ADGRB3: variants seen among roughly 807,000 people sequenced by gnomAD.
ADGRB3 encodes adhesion G protein-coupled receptor B3.
A neutral mutation model predicts 193.4 loss-of-function variants in ADGRB3; 37 were observed. That is an observed-to-expected ratio of 0.19 (90% CI 0.15 to 0.25). ADGRB3 has a LOEUF of 0.25. Among genes scored for constraint, ADGRB3 ranks in the 10% least tolerant of loss-of-function variants. ADGRB3 has a pLI of 1.00. For synonymous variants in ADGRB3, 690 were observed against 644.2 expected, an observed-to-expected ratio of 1.07 and a Z score of -1.08; for missense variants, 1,637 against 1,852.9, an observed-to-expected ratio of 0.88 and a Z score of 2.14.
intron 3 of ADGRB3, among the ~76,000 whole-genome samples, chr6:68,898,543 A>T (rs1180109480): frequency 6.6e-6 from 1 of 152,116 alleles, no homozygotes; most frequent in East Asian, 1.9e-4. Flanking sequence ...TTGCTTTGAG[A>T]GAAAAGGTAT....
intron 17 of ADGRB3, among the ~76,000 whole-genome samples, chr6:69,087,845 A>G (rs552104673): frequency 2.8e-4 from 43 of 152,340 alleles, no homozygotes; most frequent in Admixed American, 2.0e-3. Context: ...GTGAGCAACC[A>G]TCCTTTTAGT....
chr6:68,698,769 G>A (rs577756906), intron 3 of ADGRB3, among the ~76,000 whole-genome samples: 1 of 152,098 alleles, frequency 6.6e-6, no homozygotes, highest in South Asian at 2.1e-4. Flanking sequence ...TGGATTTGAG[G>A]AAGATCTGCT....
intron 11 of ADGRB3, among the ~76,000 whole-genome samples, chr6:69,001,184 G>A (rs183711280): frequency 6.6e-6 from 1 of 152,320 alleles, no homozygotes; most frequent in East Asian, 1.9e-4. Flanking sequence ...GATAGAATCT[G>A]GAGAAGCAAG....
intron 17 of ADGRB3, among the ~76,000 whole-genome samples, chr6:69,101,505 T>C (rs1773055468): frequency 6.7e-6 from 1 of 148,276 alleles, no homozygotes; most frequent in Non-Finnish European, 1.5e-5. Flanking sequence ...AGAAGCTGAA[T>C]TGAATTTACA....
At chr6:68,886,046 G>C (rs1374970097) in intron 3 of ADGRB3, among the ~76,000 whole-genome samples, 1 of 152,092 alleles carries the variant, frequency 6.6e-6, no homozygotes. Context: ...AAGAGTCCTA[G>C]AAAACAATTT....
At chr6:68,692,374 AAAG>A (rs1281409283) in intron 3 of ADGRB3, among the ~76,000 whole-genome samples, 3 of 151,922 alleles carry the variant, frequency 2.0e-5, no homozygotes, top group Non-Finnish European at 4.4e-5. Context: ...CAAAAAAAGT[AAAG>A]AATAACAACA....
chr6:68,765,807 G>T (rs1309743345), intron 3 of ADGRB3, among the ~76,000 whole-genome samples: 3 of 151,908 alleles, frequency 2.0e-5, no homozygotes. Flanking sequence ...ATAAGATGAA[G>T]AATATCTATT....
At chr6:69,262,595 A>G (rs1041728280) in intron 20 of ADGRB3, among the ~76,000 whole-genome samples, 1 of 151,944 alleles carries the variant, frequency 6.6e-6, no homozygotes, top group Non-Finnish European at 1.5e-5. Flanking sequence ...TTGTGTTTCA[A>G]GCATGATACA....
At chr6:68,653,800 C>T (rs2127282379) in intron 3 of ADGRB3, among the ~76,000 whole-genome samples, 1 of 151,838 alleles carries the variant, frequency 6.6e-6, no homozygotes, top group East Asian at 1.9e-4. Context: ...AGAACTTGTC[C>T]TGTTCTCTTT....
chr6:69,247,357 G>A (rs948550436), intron 20 of ADGRB3, among the ~76,000 whole-genome samples: 4 of 152,156 alleles, frequency 2.6e-5, no homozygotes, highest in Admixed American at 2.0e-4. Context: ...TCTCCCTCCA[G>A]ACTGATATAG....
rs1229723748 is a variant in ADGRB3, at chr6:68,975,335, C to T, written c.1729C>T (p.His577Tyr). 1 of 1,612,250 alleles carries T rather than the reference C, an allele frequency of 6.2e-7. No individual in the cohort carries two copies. Among genetic ancestry groups the T allele is most frequent in the African/African-American group, 1.3e-5 (1 of 74,862 alleles). ...CISNEYRHLQ[H>Y]SIKEHLAKGQ... The stretch of plus-strand genomic sequence containing the variant: ...ATCAAATGAGTACAGACACTTGCAG[C>T]ATTCAGTAGGTGCAAAGCCAGCTTT... Residue 577 changes from histidine (H) to tyrosine (Y), a missense_variant, in exon 10 of 32, where the codon CAT (histidine) becomes TAT (tyrosine). Coordinates refer to ENST00000370598, the MANE Select transcript of ADGRB3 (RefSeq NM_001704.3).
chr6:68,671,320 C>T (rs997401627), intron 3 of ADGRB3, among the ~76,000 whole-genome samples: 1 of 151,898 alleles, frequency 6.6e-6, no homozygotes, highest in Non-Finnish European at 1.5e-5. Context: ...AGTGGGAAAC[C>T]TTGTTGTTTT....
chr6:68,779,834 T>G (rs982631979), intron 3 of ADGRB3, among the ~76,000 whole-genome samples: 4 of 152,100 alleles, frequency 2.6e-5, no homozygotes, highest in African/African-American at 9.7e-5. Flanking sequence ...ACTGACTTCT[T>G]TATTTCCCTA....
Position 68,956,705 on chromosome 6 carries a change from G to A in ADGRB3, c.1421G>A (p.Gly474Asp). 7 of 1,614,048 alleles carry A rather than the reference G, an allele frequency of 4.3e-6. No individual in the cohort carries two copies. Among genetic ancestry groups the A allele is most frequent in the Non-Finnish European group, 5.9e-6 (7 of 1,179,980 alleles). ...GGTTGTTCCAAGTCCTGTGATGGCG[G>A]CTGGGAAAGGCGAATAAGGACCTGT... ...WSGCSKSCDG[G>D]WERRIRTCQG... The change falls in exon 8 of 32, where the codon GGC becomes GAC. Residue 474 changes from glycine (G) to aspartate (D), a missense_variant. Transcript: ENST00000370598.
intron 11 of ADGRB3, among the ~76,000 whole-genome samples, chr6:69,003,926 A>G (rs532322135): frequency 1.1e-4 from 17 of 152,318 alleles, no homozygotes; most frequent in Middle Eastern, 6.8e-3. Context: ...ATGAAGTGCA[A>G]TGTATCAGCT....
chr6:68,738,355 A>G (rs1256742031), intron 3 of ADGRB3, among the ~76,000 whole-genome samples: 1 of 151,426 alleles, frequency 6.6e-6, no homozygotes, highest in East Asian at 1.9e-4. Flanking sequence ...TGACTGGAGG[A>G]TTTTCTGTCA....
At chr6:69,226,404 A>G (rs1202882605) in intron 17 of ADGRB3, among the ~76,000 whole-genome samples, 2 of 152,254 alleles carry the variant, frequency 1.3e-5, no homozygotes, top group African/African-American at 2.4e-5. Flanking sequence ...AGCACCTACT[A>G]TGTGTCAAGC....
chr6:69,182,344 A>T (rs139516582), intron 17 of ADGRB3, among the ~76,000 whole-genome samples: 1 of 151,752 alleles, frequency 6.6e-6, no homozygotes, highest in South Asian at 2.1e-4. Context: ...ATCAAACACC[A>T]CTTGTTCCCC....
At chr6:68,947,226 G>T (rs1002855853) in intron 6 of ADGRB3, among the ~76,000 whole-genome samples, 23 of 152,010 alleles carry the variant, frequency 1.5e-4, no homozygotes, top group Admixed American at 5.3e-4. Context: ...ATGGAAAGGT[G>T]CATGTTTGTG....
Sources: gnomAD v4.1 joint callset for allele counts (sites outside exome capture counted in the v4.1 genomes callset) on GRCh38, gnomAD v4.1.1 for gene constraint, MANE v1.5 for transcripts, NCBI Gene and HGNC (gene_info 2026-07-23, HGNC 2026-07-21) for gene names.